Variants in KCNC2 observed in about 807,000 individuals in gnomAD.
The protein encoded by KCNC2 is potassium voltage-gated channel subfamily C member 2.
KCNC2 carries 21 observed loss-of-function variants against 44.5 expected under a neutral mutation model. The observed-to-expected ratio is 0.47, with a 90% CI of 0.33 to 0.68. KCNC2 has a LOEUF of 0.68. KCNC2 is among the 30% of genes least tolerant of loss of function. The pLI, the probability that KCNC2 is intolerant of heterozygous loss-of-function variation, is 0.01. For synonymous variants in KCNC2, 391 were observed against 339.1 expected (o/e 1.15, Z -1.68); for missense variants, 589 against 826.2 (o/e 0.71, Z 3.52).
chr12:75,091,549 C>G (rs1043677921), intron 2 of KCNC2, among the ~76,000 whole-genome samples: 2 of 151,660 alleles, frequency 1.3e-5, no homozygotes, highest in African/African-American at 2.4e-5. Context: ...GTACTTTTAT[C>G]CTCACGAAAC....
chr12:75,177,264 A>G (rs547695016), intron 2 of KCNC2, among the ~76,000 whole-genome samples: 4 of 151,942 alleles, frequency 2.6e-5, no homozygotes, highest in African/African-American at 9.6e-5. Flanking sequence ...AAGAACAATG[A>G]AAAAAGTAAT....
chr12:75,057,400 C>A (rs1367237151), intron 2 of KCNC2, among the ~76,000 whole-genome samples: 3 of 152,010 alleles, frequency 2.0e-5, no homozygotes, highest in African/African-American at 7.2e-5. Flanking sequence ...GGTCCACTGT[C>A]TGGTCTGCTG....
At chr12:75,182,520 C>CAAAAAAAAAAAA (rs71438888) in intron 2 of KCNC2, among the ~76,000 whole-genome samples, 4 of 81,414 alleles carry the variant, frequency 4.9e-5, no homozygotes, top group African/African-American at 1.2e-4. Flanking sequence ...GATTCCGTCT[C>CAAAAAAAAAAAA]AAAAAAAAAA....
intron 2 of KCNC2, among the ~76,000 whole-genome samples, chr12:75,091,656 C>T (rs545260815): frequency 3.2e-4 from 48 of 151,508 alleles, no homozygotes; most frequent in African/African-American, 1.1e-3. Context: ...TTTAAAAAAT[C>T]AGTTTAGAAG....
intron 2 of KCNC2, among the ~76,000 whole-genome samples, chr12:75,205,627 CATT>C (rs1439560901): frequency 6.6e-6 from 1 of 151,998 alleles, no homozygotes; most frequent in Non-Finnish European, 1.5e-5. Context: ...AATAGTAAAA[CATT>C]ATGTCCTTTT....
Position 75,207,707 on chromosome 12 carries a change from T to C in KCNC2, c.277A>G (p.Ser93Gly). ...GNCSSRGGRA[S>G]DHPGGGREFF... ...TCGCGGCCGCCACCGGGATGGTCGC[T>C]GGCCCTGCCGCCGCGGGAACTGCAG... Residue 93 changes from serine to glycine, a missense_variant, in exon 2 of 5, where the codon AGC (serine) becomes GGC (glycine). Coordinates refer to ENST00000549446, the MANE Select transcript of KCNC2 (RefSeq NM_139137.4). The surrounding 1 kb of genome is among the most constrained non-coding windows in gnomAD (Gnocchi z 4.1). 1.3e-6 allele frequency: 2 copies of C among 1,584,694 alleles called. No individual in the cohort carries two copies. Among genetic ancestry groups the C allele is most frequent in the Non-Finnish European group, 1.7e-6 (2 of 1,166,226 alleles).
intron 3 of KCNC2, 112 bp from the exon 4 acceptor site, chr12:75,048,429 G>T: frequency 2.8e-6 from 2 of 726,348 alleles, no homozygotes; most frequent in Non-Finnish European, 4.1e-6. Flanking sequence ...CAACACACAA[G>T]AATCACATCA....
intron 2 of KCNC2, among the ~76,000 whole-genome samples, chr12:75,189,081 T>G (rs4554966): frequency 0.66 from 99,632 of 151,920 alleles, 34,904 homozygotes; most frequent in African/African-American, 0.91. Flanking sequence ...ACAGGACTAG[T>G]GAAATTTTAA....
intron 2 of KCNC2, among the ~76,000 whole-genome samples, chr12:75,174,348 T>A (rs1049887399): frequency 1.3e-5 from 2 of 151,914 alleles, no homozygotes; most frequent in Non-Finnish European, 2.9e-5. Context: ...ATAAAATGAA[T>A]GCTGATATAT....
chr12:75,070,451 CAA>C (rs11304908), intron 2 of KCNC2, among the ~76,000 whole-genome samples: 23,945 of 142,562 alleles, frequency 0.17, 2,115 homozygotes, highest in Middle Eastern at 0.26. Context: ...AACTCCATCT[CAA>C]AAAAAAAAAA....
chr12:75,183,885 C>T (rs956155819), intron 2 of KCNC2, among the ~76,000 whole-genome samples: 4 of 152,114 alleles, frequency 2.6e-5, no homozygotes, highest in Non-Finnish European at 2.9e-5. Context: ...TGCCAACTTG[C>T]CACTTCTCTT....
At chr12:75,197,389 T>G (rs1337476432) in intron 2 of KCNC2, among the ~76,000 whole-genome samples, 3 of 152,000 alleles carry the variant, frequency 2.0e-5, no homozygotes, top group African/African-American at 7.2e-5. Context: ...TGCTCACTAC[T>G]CCACTGACCT....
chr12:75,187,237 A>G (rs183396846), intron 2 of KCNC2, among the ~76,000 whole-genome samples: 139 of 152,330 alleles, frequency 9.1e-4, no homozygotes, highest in Non-Finnish European at 1.5e-3. Context: ...GTGACTCAGT[A>G]CCCAAATGCA....
At chr12:75,071,936 TCAAAAA>T (rs1350241526) in intron 2 of KCNC2, among the ~76,000 whole-genome samples, 1 of 4,770 alleles carries the variant, frequency 2.1e-4, no homozygotes, top group African/African-American at 1.3e-3. Flanking sequence ...AGACTCCTTC[TCAAAAA>T]AAAAAAAAAA....
intron 2 of KCNC2, among the ~76,000 whole-genome samples, chr12:75,202,546 A>G (rs1363061181): frequency 6.6e-6 from 1 of 151,818 alleles, no homozygotes; most frequent in Non-Finnish European, 1.5e-5. Flanking sequence ...GATGTTGGCC[A>G]TGACTTTTAA....
At chr12:75,052,405 C>T (rs1039175871) in intron 2 of KCNC2, among the ~76,000 whole-genome samples, 1 of 152,112 alleles carries the variant, frequency 6.6e-6, no homozygotes, top group Non-Finnish European at 1.5e-5. Context: ...GGATCACATA[C>T]TTCTTAATAT....
chr12:75,208,988 T>A (rs1280246025), intron 1 of KCNC2, among the ~76,000 whole-genome samples: 1 of 151,934 alleles, frequency 6.6e-6, no homozygotes, highest in Non-Finnish European at 1.5e-5. Context: ...GGGGCGAGGC[T>A]CGGGGAAAAG....
At chr12:75,199,174 A>C (rs2031028666) in intron 2 of KCNC2, among the ~76,000 whole-genome samples, 1 of 151,832 alleles carries the variant, frequency 6.6e-6, no homozygotes. Context: ...AAAACTGTCA[A>C]GAAAGACTAT....
rs368383313 is a variant in KCNC2 at position 75,160,055 on chromosome 12, C to T, written c.687+47242G>A. ...AGGCTGAGTTGTGCCCTCACAAAATCCATTTGTTGAAGGCCTAACCCCCAG... is the reference window on the plus strand; with the variant it reads ...AGGCTGAGTTGTGCCCTCACAAAATTCATTTGTTGAAGGCCTAACCCCCAG... On this transcript the variant is annotated intron_variant, in intron 2 of 4. Transcript: ENST00000549446. 3.9e-5 allele frequency among the ~76,000 whole-genome samples: 6 copies of T among 151,938 alleles called. No homozygotes were observed. In the East Asian group the frequency reaches 5.9e-4, roughly 15 times the overall value.
Sources: allele counts gnomAD v4.1 joint callset (sites outside exome capture counted in the v4.1 genomes callset), GRCh38; gene constraint gnomAD v4.1.1; non-coding constraint Gnocchi (gnomAD v3.1); transcripts MANE v1.5; gene names NCBI Gene and HGNC (gene_info 2026-07-23, HGNC 2026-07-21).